The following PRMT8 variants were observed in gnomAD, a reference collection of about 807,000 sequenced individuals.
The protein encoded by PRMT8 is protein arginine methyltransferase 8.
A neutral mutation model predicts 47.1 loss-of-function variants in PRMT8; 7 were observed. The observed-to-expected ratio is 0.15, with a 90% confidence interval of 0.08 to 0.28. The LOEUF (loss-of-function observed/expected upper bound fraction) is 0.28. PRMT8 is among the 10% of genes least tolerant of loss of function. The pLI, the probability that PRMT8 is intolerant of heterozygous loss-of-function variation, is 1.00. For missense variants in PRMT8, 237 were observed against 505.4 expected (o/e 0.47, Z 5.09); for synonymous variants, 188 against 186.5 (o/e 1.01, Z -0.07).
chr12:3,529,203 A>C (rs530053145), intron 1 of PRMT8, among the ~76,000 whole-genome samples: 110 of 152,282 alleles, frequency 7.2e-4, no homozygotes, highest in African/African-American at 2.4e-3. Context: ...GAGAGAGATT[A>C]CTGGGTCTGC....
In PRMT8 at chr12:3,593,762, T is replaced by A. The variant is rs534699603; in HGVS notation, c.*580T>A. 6.5e-6 allele frequency: 1 copy of A among 153,938 alleles called. No homozygotes were observed. Among genetic ancestry groups the A allele is most frequent in the East Asian group, 1.9e-4 (1 of 5,180 alleles). The allele number at this position is 153,938 out of a possible 1,614,324, so 9.5% of individuals were successfully genotyped here. On this transcript the variant is annotated 3_prime_UTR_variant, in exon 10 of 10. Transcript: ENST00000382622. The surrounding 1 kb of genome is among the most constrained non-coding windows in gnomAD (Gnocchi z 4.8). ...TGTGTGCGTGCGCGTGTGCCTAGAA[T>A]ATATATTACTCTCAGAGGAGATTCT...
rs780685403 is a variant in PRMT8, at chr12:3,535,366, C to T, written c.76-5240C>T. Among the ~76,000 whole-genome samples the T allele has an allele frequency of 2.0e-5, 3 of 152,228 alleles. No individual in the cohort carries two copies. Among genetic ancestry groups the T allele is most frequent in the East Asian group, 1.9e-4 (1 of 5,172 alleles). On this transcript the variant is annotated intron_variant, in intron 1 of 9. Coordinates refer to ENST00000382622, the MANE Select transcript of PRMT8 (RefSeq NM_019854.5). This position sits in a 1 kb window ranked among gnomAD's most constrained non-coding sequence, Gnocchi z 4.7. ...GCCCTGGGTAAGGCCAGTCTGGGGGCGGAACACTGTGTTGGGGGAGTCCTG... is the reference window on the plus strand; with the variant it reads ...GCCCTGGGTAAGGCCAGTCTGGGGGTGGAACACTGTGTTGGGGGAGTCCTG...
rs1299592070 is a variant in PRMT8 at position 3,550,878 on chromosome 12, C to G, written c.417+787C>G. 1 of 152,244 alleles carries G rather than the reference C, an allele frequency of 6.6e-6. No individual in the cohort carries two copies. Among genetic ancestry groups the G allele is most frequent in the Non-Finnish European group, 1.5e-5 (1 of 68,064 alleles). 9.4% of individuals were successfully genotyped at this position (152,244 alleles called of 1,614,324 possible). A position where few individuals can be genotyped will look rare whatever the true frequency, so the allele number is the denominator to read the frequency against. ...AAAAAGAAGAGCTGCGAGATGCTGG[C>G]TGATATTTGAAAAATGCAGTGGGCC... is the stretch of plus-strand genomic sequence containing the variant. On this transcript the variant is annotated intron_variant, in intron 3 of 9. Coordinates refer to ENST00000382622, the MANE Select transcript of PRMT8 (RefSeq NM_019854.5). This position sits in a 1 kb window ranked among gnomAD's most constrained non-coding sequence, Gnocchi z 5.1.
intron 1 of PRMT8, among the ~76,000 whole-genome samples, chr12:3,497,189 A>G (rs533281238): frequency 6.6e-6 from 1 of 152,312 alleles, no homozygotes; most frequent in Non-Finnish European, 1.5e-5. Flanking sequence ...AGGTAACTGA[A>G]AGCAGCCTCT....
chr12:3,386,666 A>G (rs1178175709), intron 1 of PRMT8, among the ~76,000 whole-genome samples: 3 of 151,740 alleles, frequency 2.0e-5, no homozygotes, highest in Non-Finnish European at 4.4e-5. Flanking sequence ...TACAAGCCAC[A>G]CAGTGTTCAT....
Position 3,508,138 on chromosome 12 carries a change from C to T in PRMT8, c.75+16438C>T, listed in dbSNP as rs1395617097. ...TTTCTTCTTTTTCTTACTGTTACAA[C>T]TTTAAGATTTTTTTCTGCCCAGTTG... On this transcript the variant is annotated intron_variant, in intron 1 of 9. Coordinates refer to ENST00000382622, the MANE Select transcript of PRMT8 (RefSeq NM_019854.5). The surrounding 1 kb of genome is among the most constrained non-coding windows in gnomAD (Gnocchi z 4.9). Among the ~76,000 whole-genome samples the T allele has an allele frequency of 6.6e-6, 1 of 151,786 alleles. No homozygotes were observed. The highest frequency in any genetic ancestry group is 1.5e-5 in the Non-Finnish European group (1 of 68,030).
intron 1 of PRMT8, among the ~76,000 whole-genome samples, chr12:3,483,066 A>C (rs113343190): frequency 0.014 from 2,077 of 152,282 alleles, 63 homozygotes; most frequent in African/African-American, 0.047. Context: ...GGACAAGTTC[A>C]GCAACCTTTC....
chr12:3,408,144 C>A (rs1396684454), intron 1 of PRMT8, among the ~76,000 whole-genome samples: 1 of 150,450 alleles, frequency 6.6e-6, no homozygotes, highest in East Asian at 2.0e-4. Flanking sequence ...TCTCTCCCTC[C>A]CTCTCTTTCT....
At chr12:3,455,426 G>C (rs1384875681) in intron 1 of PRMT8, among the ~76,000 whole-genome samples, 2 of 152,138 alleles carry the variant, frequency 1.3e-5, no homozygotes, top group Admixed American at 6.5e-5. Flanking sequence ...GGAGGGGTGA[G>C]CTGCTTCAGG....
intron 1 of PRMT8, among the ~76,000 whole-genome samples, chr12:3,394,214 C>T (rs1864224219): frequency 6.6e-6 from 1 of 151,552 alleles, no homozygotes; most frequent in Admixed American, 6.6e-5. Context: ...CCTTCTCCTG[C>T]CTAATTGCCC....
chr12:3,512,675 T>C (rs1865730940), intron 1 of PRMT8, among the ~76,000 whole-genome samples: 1 of 152,218 alleles, frequency 6.6e-6, no homozygotes, highest in African/African-American at 2.4e-5. Flanking sequence ...TTGCCCTAGA[T>C]CAGCACTCAT....
chr12:3,546,369 C>T (rs76313805), intron 2 of PRMT8, among the ~76,000 whole-genome samples: 3 of 152,144 alleles, frequency 2.0e-5, no homozygotes, highest in African/African-American at 7.2e-5. Context: ...AGAAACCAAG[C>T]AGTGGAGAAA....
intron 6 of PRMT8, among the ~76,000 whole-genome samples, chr12:3,575,522 G>C (rs1490547024): frequency 6.6e-6 from 1 of 152,224 alleles, no homozygotes. Context: ...GCCATGGCAG[G>C]TGAAGGATTT....
At chr12:3,422,718 C>T (rs1864557228) in intron 1 of PRMT8, among the ~76,000 whole-genome samples, 1 of 152,146 alleles carries the variant, frequency 6.6e-6, no homozygotes, top group Admixed American at 6.5e-5. Context: ...ATTTTTAACT[C>T]CCAGGCCCAG....
intron 1 of PRMT8, among the ~76,000 whole-genome samples, 180 bp downstream of exon 1, chr12:3,491,880 GTGTGTGTGT>G (rs1865413732): frequency 9.2e-6 from 1 of 108,154 alleles, no homozygotes; most frequent in South Asian, 3.4e-4. Flanking sequence ...GTGTGTGTGT[GTGTGTGTGT>G]TGGTGGGGGG....
intron 4 of PRMT8, among the ~76,000 whole-genome samples, chr12:3,568,239 T>G (rs930370513): frequency 2.0e-5 from 3 of 152,042 alleles, no homozygotes; most frequent in African/African-American, 7.3e-5. Context: ...TCTGTCCTCA[T>G]TGCCTTCACA....
At chr12:3,547,808 C>T (rs887723841) in intron 2 of PRMT8, among the ~76,000 whole-genome samples, 10 of 152,078 alleles carry the variant, frequency 6.6e-5, no homozygotes, top group African/African-American at 2.4e-4. Context: ...GATTATAAAA[C>T]TCAAAATTGC....
chr12:3,541,794 G>T (rs187627864), intron 2 of PRMT8, among the ~76,000 whole-genome samples: 164 of 152,280 alleles, frequency 1.1e-3, no homozygotes, highest in Non-Finnish European at 1.8e-3. Flanking sequence ...TGCTGGTGTT[G>T]TTCCAAGCAT....
intron 1 of PRMT8, among the ~76,000 whole-genome samples, chr12:3,496,214 A>ATATATATATATTT: frequency 4.0e-4 from 11 of 27,768 alleles, no homozygotes; most frequent in East Asian, 3.5e-3. Flanking sequence ...ATATATATAT[A>ATATATATATATTT]TTTTTTTTTT....
Sources: allele counts gnomAD v4.1 joint callset (sites outside exome capture counted in the v4.1 genomes callset), GRCh38; gene constraint gnomAD v4.1.1; non-coding constraint Gnocchi (gnomAD v3.1); transcripts MANE v1.5; gene names NCBI Gene and HGNC (gene_info 2026-07-23, HGNC 2026-07-21).